The following SLC9D1 variants were observed in gnomAD, a reference collection of about 807,000 sequenced individuals.
The protein encoded by SLC9D1 is solute carrier family 9 member D1.
the SLC9D1 span, among the ~76,000 whole-genome samples, chr13:113,501,175 A>G: frequency 2.0e-5 from 3 of 152,220 alleles, no homozygotes; most frequent in Non-Finnish European, 4.4e-5. Flanking sequence ...CAGAATTCTT[A>G]GAACACTCTT....
the SLC9D1 span, among the ~76,000 whole-genome samples, chr13:113,494,927 A>G: frequency 6.6e-6 from 1 of 151,978 alleles, no homozygotes; most frequent in African/African-American, 2.4e-5. Flanking sequence ...GTTGTTGCCC[A>G]AGCTGGAGTA....
At chr13:113,491,529 C>T in the SLC9D1 span, among the ~76,000 whole-genome samples, 1 of 152,072 alleles carries the variant, frequency 6.6e-6, no homozygotes, top group Non-Finnish European at 1.5e-5. Flanking sequence ...CCTCTCTCTC[C>T]CTCCCTGGGG....
At chr13:113,502,983 A>AGG in the SLC9D1 span, among the ~76,000 whole-genome samples, 1 of 152,216 alleles carries the variant, frequency 6.6e-6, no homozygotes, top group African/African-American at 2.4e-5. Context: ...CTCCCAGGAC[A>AGG]GGGCTCGCCT....
chr13:113,522,169 C>G, the SLC9D1 span, among the ~76,000 whole-genome samples: 1 of 152,196 alleles, frequency 6.6e-6, no homozygotes, highest in Non-Finnish European at 1.5e-5. Context: ...CAGTCTCTCA[C>G]CACTAGGTAT....
the SLC9D1 span, chr13:113,495,727 G>A: frequency 1.2e-6 from 2 of 1,613,596 alleles, no homozygotes; most frequent in South Asian, 2.2e-5. Flanking sequence ...AGCCGGCAGT[G>A]GGTCCGGGAC....
chr13:113,501,660 G>A, the SLC9D1 span: 3 of 967,432 alleles, frequency 3.1e-6, no homozygotes, highest in Admixed American at 4.8e-5. Flanking sequence ...GTGAAATCGG[G>A]GAACTACGTC....
the SLC9D1 span, among the ~76,000 whole-genome samples, chr13:113,503,118 C>T: frequency 6.6e-6 from 1 of 152,194 alleles, no homozygotes; most frequent in East Asian, 1.9e-4. Context: ...CAAATAAAAG[C>T]AAATACAAAT....
chr13:113,544,859 A>G, the SLC9D1 span, among the ~76,000 whole-genome samples: 1 of 152,376 alleles, frequency 6.6e-6, no homozygotes, highest in South Asian at 2.1e-4. Context: ...TTCGCAGGAC[A>G]CAGCTCAGTC....
the SLC9D1 span, among the ~76,000 whole-genome samples, chr13:113,533,663 A>G: frequency 7.9e-4 from 121 of 152,342 alleles, no homozygotes; most frequent in African/African-American, 2.8e-3. Flanking sequence ...GAGTTCGTCC[A>G]TCAGGCGACT....
chr13:113,522,530 C>T, the SLC9D1 span, among the ~76,000 whole-genome samples: 4,833 of 152,160 alleles, frequency 0.032, 147 homozygotes, highest in South Asian at 0.052. Flanking sequence ...TTAGTAGAGA[C>T]GGGGTTCCAC....
the SLC9D1 span, chr13:113,548,575 G>A: frequency 9.1e-7 from 1 of 1,095,232 alleles, no homozygotes; most frequent in Non-Finnish European, 1.3e-6. Context: ...CCTCCTCCAG[G>A]GGGGCACGCA....
chr13:113,498,963 A>C, the SLC9D1 span, among the ~76,000 whole-genome samples: 1 of 152,220 alleles, frequency 6.6e-6, no homozygotes, highest in Non-Finnish European at 1.5e-5. Context: ...AAACAATGGC[A>C]ACTCCATAGG....
chr13:113,538,904 C>T, the SLC9D1 span, among the ~76,000 whole-genome samples: 2 of 152,218 alleles, frequency 1.3e-5, no homozygotes, highest in Non-Finnish European at 2.9e-5. Context: ...CCGCCGTGGA[C>T]ACGCCGATGC....
At chr13:113,514,360 A>G in the SLC9D1 span, 3 of 152,248 alleles carry the variant, frequency 2.0e-5, no homozygotes, top group African/African-American at 7.2e-5. Context: ...AAAGTAACCT[A>G]ATGGGAAAAT....
chr13:113,537,247 A>C, the SLC9D1 span, among the ~76,000 whole-genome samples: 76 of 152,326 alleles, frequency 5.0e-4, no homozygotes, highest in African/African-American at 1.7e-3. Flanking sequence ...TTTGAAAGTC[A>C]GCCTTCAAAA....
chr13:113,499,531 A>G, the SLC9D1 span, among the ~76,000 whole-genome samples: 1 of 152,250 alleles, frequency 6.6e-6, no homozygotes, highest in East Asian at 1.9e-4. Flanking sequence ...CATTTGTTGT[A>G]GTGTGTTTAA....
At chr13:113,543,652 G>C in the SLC9D1 span, among the ~76,000 whole-genome samples, 5 of 148,906 alleles carry the variant, frequency 3.4e-5, no homozygotes, top group South Asian at 1.1e-3. Context: ...GGCCTGACCT[G>C]ATTTTTCCCA....
chr13:113,498,128 G>A, the SLC9D1 span, among the ~76,000 whole-genome samples: 1 of 152,348 alleles, frequency 6.6e-6, no homozygotes, highest in African/African-American at 2.4e-5. Flanking sequence ...TTTCTTACGT[G>A]TGTTGATGTA....
the SLC9D1 span, chr13:113,547,374 A>G: frequency 1.9e-6 from 3 of 1,613,024 alleles, no homozygotes; most frequent in African/African-American, 2.7e-5. Context: ...AGTGGTGGTG[A>G]TGAAGGTATG....
Sources: allele counts gnomAD v4.1 joint callset (sites outside exome capture counted in the v4.1 genomes callset), GRCh38; gene constraint gnomAD v4.1.1; transcripts MANE v1.5; gene names NCBI Gene and HGNC (gene_info 2026-07-23, HGNC 2026-07-21).